GNAQ: variants seen among roughly 807,000 people sequenced by gnomAD.
The protein encoded by GNAQ is guanine nucleotide-binding protein G(q) subunit alpha.
A neutral mutation model predicts 43.9 loss-of-function variants in GNAQ; 8 were observed. The observed-to-expected ratio is 0.18, with a 90% CI of 0.11 to 0.33. The LOEUF (loss-of-function observed/expected upper bound fraction) is 0.33. Among genes scored for constraint, GNAQ ranks in the 10% least tolerant of loss-of-function variants. The pLI is 1.00. For synonymous variants in GNAQ, 155 were observed against 170.7 expected (o/e 0.91, Z 0.71); for missense variants, 158 against 450.8 (o/e 0.35, Z 5.88).
At chr9:77,961,328 C>G (rs958152002) in intron 1 of GNAQ, among the ~76,000 whole-genome samples, 3 of 152,092 alleles carry the variant, frequency 2.0e-5, no homozygotes, top group Non-Finnish European at 4.4e-5. Context: ...CCAAAAAGAA[C>G]CCAGTGCTCT....
chr9:77,975,018 C>T (rs763824948), intron 1 of GNAQ, among the ~76,000 whole-genome samples: 7 of 152,174 alleles, frequency 4.6e-5, no homozygotes, highest in Non-Finnish European at 8.8e-5. Flanking sequence ...CTCAATGGAT[C>T]GACTCAGCCT....
intron 2 of GNAQ, among the ~76,000 whole-genome samples, chr9:77,838,667 C>T (rs1827434684): frequency 6.6e-6 from 1 of 152,084 alleles, no homozygotes; most frequent in Non-Finnish European, 1.5e-5. Context: ...ATCCACCCAC[C>T]TCGGCCTTGC....
At chr9:77,996,302 T>C (rs1823566415) in intron 1 of GNAQ, among the ~76,000 whole-genome samples, 1 of 152,180 alleles carries the variant, frequency 6.6e-6, no homozygotes. Context: ...GAGTGTAGTA[T>C]AAGCAAAAAT....
chr9:78,023,649 A>T (rs184645071), intron 1 of GNAQ, among the ~76,000 whole-genome samples: 1 of 152,310 alleles, frequency 6.6e-6, no homozygotes, highest in African/African-American at 2.4e-5. Flanking sequence ...TAGGAAAGAA[A>T]CAATAAAAAT....
rs528045672 is a variant in GNAQ, at chr9:77,825,031, G to A, written c.322-9261C>T. 1.0e-3 allele frequency among the ~76,000 whole-genome samples: 157 copies of A among 152,242 alleles called. 1 individual carries two copies. The highest frequency in any genetic ancestry group is 2.0e-3 in the Non-Finnish European group (138 of 68,008). On this transcript the variant is annotated intron_variant, in intron 2 of 6. Coordinates refer to ENST00000286548, the MANE Select transcript of GNAQ (RefSeq NM_002072.5). ...GGCACAGTCTTCTGAAAATAACAGCGAACTCTTGAAGCAGAAGATTTGTGT... is the reference window on the plus strand; with the variant it reads ...GGCACAGTCTTCTGAAAATAACAGCAAACTCTTGAAGCAGAAGATTTGTGT...
At chr9:77,953,178 T>C (rs1186997928) in intron 1 of GNAQ, among the ~76,000 whole-genome samples, 1 of 152,202 alleles carries the variant, frequency 6.6e-6, no homozygotes, top group African/African-American at 2.4e-5. Flanking sequence ...CTGCTGCTGC[T>C]GGTCTGGGAG....
chr9:77,975,542 T>A (rs1209829425), intron 1 of GNAQ, among the ~76,000 whole-genome samples: 1 of 147,976 alleles, frequency 6.8e-6, no homozygotes, highest in African/African-American at 2.5e-5. Flanking sequence ...CCCCCTTTTT[T>A]TTTTTTTTTT....
chr9:77,951,405 T>C (rs1822976446), intron 1 of GNAQ, among the ~76,000 whole-genome samples: 1 of 152,172 alleles, frequency 6.6e-6, no homozygotes, highest in Non-Finnish European at 1.5e-5. Flanking sequence ...GCCCATTCAC[T>C]TATTTTAATA....
At chr9:77,806,017 G>A (rs1826824357) in intron 3 of GNAQ, among the ~76,000 whole-genome samples, 2 of 152,128 alleles carry the variant, frequency 1.3e-5, no homozygotes, top group Admixed American at 6.5e-5. Flanking sequence ...AAAGGGCCAG[G>A]CAACTAAGTG....
At chr9:77,786,988 A>C (rs1392047400) in intron 5 of GNAQ, among the ~76,000 whole-genome samples, 1 of 152,210 alleles carries the variant, frequency 6.6e-6, no homozygotes, top group Non-Finnish European at 1.5e-5. Context: ...ATGCAACAGA[A>C]TACTACACGA....
rs1284477272 is a variant in GNAQ, at chr9:77,785,395, A to G, written c.735+9068T>C. Among the ~76,000 whole-genome samples, 3 of 152,324 alleles carry G rather than the reference A, an allele frequency of 2.0e-5. No individual in the cohort carries two copies. In the East Asian group the frequency reaches 5.8e-4, roughly 29 times the overall value. ...CCTTGATTTCAGACTTCTAACCTCC[A>G]GAACCGGGGAGAATAAGTTTCTGTT... On this transcript the variant is annotated intron_variant, in intron 5 of 6. Transcript: ENST00000286548.
chr9:77,855,763 C>CA (rs959388343), intron 2 of GNAQ, among the ~76,000 whole-genome samples: 90 of 143,032 alleles, frequency 6.3e-4, no homozygotes, highest in South Asian at 1.8e-3. Flanking sequence ...AATGAACTCT[C>CA]AAAAAAAAAA....
intron 1 of GNAQ, among the ~76,000 whole-genome samples, chr9:77,941,702 A>G (rs180768061): frequency 6.6e-6 from 1 of 152,310 alleles, no homozygotes; most frequent in East Asian, 1.9e-4. Context: ...ATCAAAACCT[A>G]AACATTCAAC....
intron 1 of GNAQ, among the ~76,000 whole-genome samples, chr9:77,972,263 A>C (rs772520581): frequency 6.6e-6 from 1 of 152,344 alleles, no homozygotes; most frequent in East Asian, 1.9e-4. Context: ...TAAGAAAGTT[A>C]AGAAATATTC....
chr9:77,817,826 G>A (rs77220866), intron 2 of GNAQ, among the ~76,000 whole-genome samples: 95 of 152,236 alleles, frequency 6.2e-4, no homozygotes, highest in Non-Finnish European at 9.7e-4. Context: ...AACTGTGTAC[G>A]GACCAAGGAG....
At chr9:77,888,910 T>A (rs917637073) in intron 2 of GNAQ, among the ~76,000 whole-genome samples, 1 of 152,168 alleles carries the variant, frequency 6.6e-6, no homozygotes, top group African/African-American at 2.4e-5. Context: ...GATTCCATTT[T>A]CAGCATGACA....
At chr9:77,853,503 CA>C (rs1827703341) in intron 2 of GNAQ, among the ~76,000 whole-genome samples, 1 of 152,044 alleles carries the variant, frequency 6.6e-6, no homozygotes, top group African/African-American at 2.4e-5. Flanking sequence ...CAAAACCATT[CA>C]CTATGAAAGA....
At chr9:77,958,174 G>C (rs1052964788) in intron 1 of GNAQ, among the ~76,000 whole-genome samples, 6 of 152,150 alleles carry the variant, frequency 3.9e-5, no homozygotes, top group African/African-American at 1.4e-4. Flanking sequence ...TTGGTGTCTG[G>C]AATGGCGTAA....
intron 5 of GNAQ, among the ~76,000 whole-genome samples, chr9:77,768,139 AGACAGTGGCAG>A (rs1826163885): frequency 6.6e-6 from 1 of 152,222 alleles, no homozygotes; most frequent in South Asian, 2.1e-4. Context: ...TCAAACAGCT[AGACAGTGGCAG>A]GTCTGGGATT....
Sources: gnomAD v4.1 joint callset for allele counts (sites outside exome capture counted in the v4.1 genomes callset) on GRCh38, gnomAD v4.1.1 for gene constraint, MANE v1.5 for transcripts, NCBI Gene and HGNC (gene_info 2026-07-23, HGNC 2026-07-21) for gene names.